Variants in MRPS18C observed in about 807,000 individuals in gnomAD.
MRPS18C encodes small ribosomal subunit protein bS18m.
MRPS18C carries 21 observed loss-of-function variants against 21.0 expected under a neutral mutation model. That is an observed-to-expected ratio of 1.00 (90% confidence interval 0.71 to 1.44). The LOEUF (loss-of-function observed/expected upper bound fraction) is 1.44. Ranked by LOEUF, MRPS18C falls within the 40% of genes most tolerant of loss-of-function variation. MRPS18C has a pLI of 0.00. For synonymous variants in MRPS18C, 65 were observed against 54.3 expected, an observed-to-expected ratio of 1.20 and a Z score of -0.87; for missense variants, 152 against 171.5, an observed-to-expected ratio of 0.89 and a Z score of 0.64.
chr4:83,456,255 T>G, intron 1 of MRPS18C, 78 bp downstream of exon 1: 1 of 1,207,482 alleles, frequency 8.3e-7, no homozygotes, highest in South Asian at 1.2e-5. Context: ...GTCGTCCCTG[T>G]TAGCAAAACG....
rs567737859 is a variant in MRPS18C at position 83,456,512 on chromosome 4, A to G, written c.100+335A>G. On this transcript the variant is annotated intron_variant, in intron 1 of 5. Transcript: ENST00000295491. The stretch of plus-strand genomic sequence containing the variant: ...GTCCCCAAACAGAACAAAATTGCAT[A>G]ATTTTTGCAATTTTATCTTCTCTGT... 4.6e-5 allele frequency among the ~76,000 whole-genome samples: 7 copies of G among 152,216 alleles called. No homozygotes were observed. In the East Asian group the frequency reaches 1.2e-3, roughly 25 times the overall value.
chr4:83,456,296 A>T, intron 1 of MRPS18C, 119 bp downstream of exon 1: 1 of 859,734 alleles, frequency 1.2e-6, no homozygotes, highest in South Asian at 1.5e-5. Flanking sequence ...AAGTTTCTCC[A>T]AGATGGGTGG....
chr4:83,462,251 A>G lies in MRPS18C; in HGVS notation c.*1054A>G. On this transcript the variant is annotated 3_prime_UTR_variant, in exon 6 of 6. Transcript: ENST00000295491. Reference sequence around the variant, plus strand: ...AAGCCTTCCCCTCAACAACTTAGTGAAAGGTGAAAAAAAGGTTTGGAAATA... The same window carrying G: ...AAGCCTTCCCCTCAACAACTTAGTGGAAGGTGAAAAAAAGGTTTGGAAATA... 2.0e-6 allele frequency: 1 copy of G among 505,696 alleles called. No individual in the cohort carries two copies. The highest frequency in any genetic ancestry group is 3.4e-5 in the East Asian group (1 of 29,550). The allele number at this position is 505,696 out of a possible 1,614,324, so 31.3% of individuals were successfully genotyped here.
intron 2 of MRPS18C, chr4:83,457,718 A>G (rs969188134): frequency 5.2e-5 from 8 of 152,502 alleles, no homozygotes; most frequent in Non-Finnish European, 8.8e-5. Context: ...GAAGTTTTGC[A>G]TACGATTACA....
At chr4:83,457,831 C>T (rs112230238) in intron 2 of MRPS18C, 4,639 of 156,202 alleles carry the variant, frequency 0.03, 237 homozygotes, top group African/African-American at 0.11. Flanking sequence ...GCATTAGAGG[C>T]AGTGGTGGTA....
chr4:83,456,985 G>C (rs773075880), intron 2 of MRPS18C, 27 bp downstream of exon 2: 1 of 1,599,758 alleles, frequency 6.3e-7, no homozygotes, highest in South Asian at 1.1e-5. Context: ...CTATTAGTAA[G>C]GCCTTTGCAA....
At chr4:83,458,526 G>A in intron 3 of MRPS18C, 97 bp downstream of exon 3, 2 of 898,276 alleles carry the variant, frequency 2.2e-6, no homozygotes, top group East Asian at 5.6e-5. Flanking sequence ...TTTTGTAGAG[G>A]TAACTGTTTT....
Position 83,456,083 on chromosome 4 carries a change from CGCTGTGGTT to C in MRPS18C, c.12_20del (p.Val5_Val7del). On this transcript the variant is annotated inframe_deletion, in exon 1 of 6. Transcript: ENST00000295491. Reference sequence around the variant, plus strand: ...AGTGGAAGAAACGCGGAACCATGGCCGCTGTGGTTGCTGTTTGCGGTGGTCTAGGGAGGA... The same window carrying C: ...AGTGGAAGAAACGCGGAACCATGGCCGCTGTTTGCGGTGGTCTAGGGAGGA... The C allele has an allele frequency of 6.2e-7, 1 of 1,612,450 alleles. No homozygotes were observed. The highest frequency in any genetic ancestry group is 8.5e-7 in the Non-Finnish European group (1 of 1,180,008).
chr4:83,457,256 A>AT, intron 2 of MRPS18C: 8 of 254,626 alleles, frequency 3.1e-5, no homozygotes, highest in Non-Finnish European at 4.3e-5. Context: ...TGATTTGGGA[A>AT]TTGTTTTTTT....
chr4:83,460,102 A>G, intron 4 of MRPS18C: 1 of 204,918 alleles, frequency 4.9e-6, no homozygotes, highest in Non-Finnish European at 9.6e-6. Flanking sequence ...ACTATGGCCC[A>G]TAGGCCAAAT....
In MRPS18C at chr4:83,458,208, A is replaced by G. The variant is rs1178841986; in HGVS notation, c.151-138A>G. ...AATCCGTAGGCTAAACTAAAACAAA[A>G]TAAAGTGCTTATACAAAATATGTAC... On this transcript the variant is annotated intron_variant, in intron 2 of 5. Coordinates refer to ENST00000295491, the MANE Select transcript of MRPS18C (RefSeq NM_016067.4). 6.5e-6 allele frequency: 4 copies of G among 619,994 alleles called. 1 individual carries two copies. The highest frequency in any genetic ancestry group is 1.1e-5 in the Non-Finnish European group (4 of 362,256). 38.4% of individuals were successfully genotyped at this position (619,994 alleles called of 1,614,324 possible).
chr4:83,459,836 C>A, intron 4 of MRPS18C, 39 bp downstream of exon 4: 1 of 1,459,882 alleles, frequency 6.8e-7, no homozygotes, highest in Non-Finnish European at 9.5e-7. Flanking sequence ...AATGTAGATA[C>A]GAATTATATC....
chr4:83,459,713 T>C (rs775174355), intron 3 of MRPS18C, 27 bp from the exon 4 acceptor site: 12 of 1,591,078 alleles, frequency 7.5e-6, no homozygotes, highest in African/African-American at 1.3e-5. Context: ...TACTTTTTTT[T>C]CCCCTCCACA....
At position 83,462,188 on chromosome 4, in the gene MRPS18C, TG is replaced by T. The variant is rs1722143387; in HGVS notation, c.*993del. On this transcript the variant is annotated 3_prime_UTR_variant, in exon 6 of 6. Transcript: ENST00000295491. ...GATTACAGGTGTGAGCCACTGTGCCTGGTCTCACTTTTCCAATTCTAAAGAA... is the reference window on the plus strand; with the variant it reads ...GATTACAGGTGTGAGCCACTGTGCCTGTCTCACTTTTCCAATTCTAAAGAA... The T allele has an allele frequency of 2.7e-6, 1 of 375,904 alleles. No homozygotes were observed. The highest frequency in any genetic ancestry group is 4.8e-6 in the Non-Finnish European group (1 of 208,056). 23.3% of individuals were successfully genotyped at this position (375,904 alleles called of 1,614,324 possible).
In MRPS18C at chr4:83,461,657, A is replaced by G. The variant is rs1722121895; in HGVS notation, c.*460A>G. The G allele has an allele frequency of 7.5e-6, 2 of 265,588 alleles. No homozygotes were observed. The highest frequency in any genetic ancestry group is 1.5e-5 in the Non-Finnish European group (2 of 136,482). 16.5% of individuals were successfully genotyped at this position (265,588 alleles called of 1,614,324 possible). A position where few individuals can be genotyped will look rare whatever the true frequency, so the allele number is the denominator to read the frequency against. On this transcript the variant is annotated 3_prime_UTR_variant, in exon 6 of 6. Transcript: ENST00000295491. The stretch of plus-strand genomic sequence containing the variant: ...TACATGAAGAGATGATTTACACCTA[A>G]TAGACATTGAATATGATAGACATAC...
chr4:83,458,601 G>GATC, intron 3 of MRPS18C, 172 bp downstream of exon 3: 3 of 480,916 alleles, frequency 6.2e-6, no homozygotes, highest in Non-Finnish European at 1.1e-5. Context: ...CTTTATTCAA[G>GATC]TAAAAGCACC....
In MRPS18C at chr4:83,461,509, A is replaced by G. The variant is rs1356797965; in HGVS notation, c.*312A>G. 22 of 336,238 alleles carry G rather than the reference A, an allele frequency of 6.5e-5. No individual in the cohort carries two copies. Among genetic ancestry groups the G allele is most frequent in the South Asian group, 1.9e-4 (4 of 20,906 alleles). The allele number at this position is 336,238 out of a possible 1,614,324, so 20.8% of individuals were successfully genotyped here. A position where few individuals can be genotyped will look rare whatever the true frequency, so the allele number is the denominator to read the frequency against. ...CAGAATGATTTTCCAACTAGCAAAT[A>G]TAAGTATGCCTGGTTAAGATATCTT... On this transcript the variant is annotated 3_prime_UTR_variant, in exon 6 of 6. Coordinates refer to ENST00000295491, the MANE Select transcript of MRPS18C (RefSeq NM_016067.4).
chr4:83,460,916 AT>A, intron 4 of MRPS18C, 56 bp from the exon 5 acceptor site: 1 of 1,447,488 alleles, frequency 6.9e-7, no homozygotes, highest in Non-Finnish European at 9.5e-7. Context: ...AAAAAAAAAA[AT>A]TGCAAACTTT....
At chr4:83,459,821 A>G (rs1446279568) in intron 4 of MRPS18C, 24 bp downstream of exon 4, 6 of 1,528,596 alleles carry the variant, frequency 3.9e-6, no homozygotes, top group Admixed American at 3.7e-5. Context: ...TATTATGGGA[A>G]TATAAATGTA....
Sources: gnomAD v4.1 joint callset for allele counts (sites outside exome capture counted in the v4.1 genomes callset) on GRCh38, gnomAD v4.1.1 for gene constraint, MANE v1.5 for transcripts, NCBI Gene and HGNC (gene_info 2026-07-23, HGNC 2026-07-21) for gene names.